Variants in POLR3B observed in about 807,000 individuals in gnomAD.
POLR3B encodes RNA polymerase III subunit B, also known as DNA-directed RNA polymerase III subunit RPC2.
Under a neutral mutation model 147.4 loss-of-function variants are expected in POLR3B, and 96 were observed. That is an observed-to-expected ratio of 0.65 (90% confidence interval 0.55 to 0.77). POLR3B has a LOEUF of 0.77. POLR3B is among the 30% of genes least tolerant of loss of function. POLR3B has a pLI of 0.00. For synonymous variants in POLR3B, 461 were observed against 485.9 expected (o/e 0.95, Z 0.67); for missense variants, 1,036 against 1,413.5 (o/e 0.73, Z 4.28).
At chr12:106,503,444 T>C (rs1383860312) in intron 26 of POLR3B, among the ~76,000 whole-genome samples, 2 of 152,090 alleles carry the variant, frequency 1.3e-5, no homozygotes, top group African/African-American at 2.4e-5. Flanking sequence ...TGCTTTTTTT[T>C]CCCCCCAAAT....
intron 9 of POLR3B, among the ~76,000 whole-genome samples, chr12:106,385,786 A>C (rs1273620087): frequency 2.6e-5 from 4 of 152,258 alleles, no homozygotes; most frequent in Non-Finnish European, 5.9e-5. Flanking sequence ...ACTTTTAGGA[A>C]ATTTTAAACT....
At chr12:106,471,300 C>T (rs953485765) in intron 23 of POLR3B, among the ~76,000 whole-genome samples, 7 of 152,144 alleles carry the variant, frequency 4.6e-5, no homozygotes, top group East Asian at 3.9e-4. Context: ...CCTGCTCTGC[C>T]GGTTGTGAAG....
chr12:106,438,463 A>T (rs892515223), intron 18 of POLR3B, among the ~76,000 whole-genome samples: 1 of 150,906 alleles, frequency 6.6e-6, no homozygotes, highest in African/African-American at 2.4e-5. Context: ...ATATAGATAG[A>T]TAACCATATA....
chr12:106,358,237 G>C (rs2036417311), intron 1 of POLR3B: 1 of 1,379,572 alleles, frequency 7.2e-7, no homozygotes, highest in South Asian at 1.5e-5. Context: ...GCGTGGGGAG[G>C]ACTGACCCTC....
At chr12:106,401,699 C>G (rs1307606144) in intron 10 of POLR3B, among the ~76,000 whole-genome samples, 1 of 152,146 alleles carries the variant, frequency 6.6e-6, no homozygotes. Context: ...TAAACAGAAC[C>G]AACGACAAAA....
In POLR3B at chr12:106,463,625, A is replaced by G. The variant is rs748553108; in HGVS notation, c.2713+5A>G. The G allele has an allele frequency of 4.3e-6, 7 of 1,610,310 alleles. No homozygotes were observed. Among genetic ancestry groups the G allele is most frequent in the Middle Eastern group, 1.7e-4 (1 of 6,060 alleles). On this transcript the variant is annotated splice_donor_5th_base_variant and intron_variant, in intron 23 of 27. Transcript: ENST00000228347. ...GCAGTCGTCATGGGCAAAAAGGTAA[A>G]CTGTATCATTTCTCAACTTGATTAT...
intron 23 of POLR3B, among the ~76,000 whole-genome samples, chr12:106,467,446 G>C (rs561660941): frequency 6.6e-6 from 1 of 151,824 alleles, no homozygotes; most frequent in East Asian, 1.9e-4. Context: ...TACTTTATTG[G>C]GTTCTCTTGC....
At position 106,411,418 on chromosome 12, in the gene POLR3B, G is replaced by A. The variant is rs139442718; in HGVS notation, c.1101+458G>A. 5.9e-5 allele frequency among the ~76,000 whole-genome samples: 9 copies of A among 152,318 alleles called. No individual in the cohort carries two copies. In the South Asian group the frequency reaches 1.9e-3, roughly 32 times the overall value. ...CTCCCAAAGTGCTGGGATTACAGGC[G>A]TGAGCCACCATGCCCAGCCTAATTC... is the stretch of plus-strand genomic sequence containing the variant. On this transcript the variant is annotated intron_variant, in intron 12 of 27. Coordinates refer to ENST00000228347, the MANE Select transcript of POLR3B (RefSeq NM_018082.6).
intron 23 of POLR3B, among the ~76,000 whole-genome samples, chr12:106,473,864 C>G (rs975081479): frequency 3.3e-5 from 5 of 150,724 alleles, no homozygotes; most frequent in African/African-American, 4.9e-5. Flanking sequence ...ATTTCCTTCT[C>G]CTGCGTGATT....
intron 23 of POLR3B, among the ~76,000 whole-genome samples, chr12:106,464,162 G>C (rs537951791): frequency 6.6e-6 from 1 of 152,234 alleles, no homozygotes; most frequent in Non-Finnish European, 1.5e-5. Context: ...TGCTTTGTGT[G>C]TGTCTTACAT....
intron 10 of POLR3B, among the ~76,000 whole-genome samples, chr12:106,394,367 T>A (rs962225485): frequency 6.6e-6 from 1 of 152,228 alleles, no homozygotes; most frequent in Non-Finnish European, 1.5e-5. Flanking sequence ...TAGGCATGAA[T>A]CTTTGTTGTA....
chr12:106,504,258 A>G lies in POLR3B; in HGVS notation c.3272+4A>G. 1 of 1,610,934 alleles carries G rather than the reference A, an allele frequency of 6.2e-7. No homozygotes were observed. The highest frequency in any genetic ancestry group is 8.5e-7 in the Non-Finnish European group (1 of 1,177,078). Reference sequence around the variant, plus strand: ...GACTTCTGGGGTATTCTGGCTGGTAAGTGGATACCATATGTCTCCCATACC... The same window carrying G: ...GACTTCTGGGGTATTCTGGCTGGTAGGTGGATACCATATGTCTCCCATACC... On this transcript the variant is annotated splice_donor_region_variant and intron_variant, in intron 27 of 27. Coordinates refer to ENST00000228347, the MANE Select transcript of POLR3B (RefSeq NM_018082.6). This position sits in a 1 kb window ranked among gnomAD's most constrained non-coding sequence, Gnocchi z 4.6.
At chr12:106,439,992 G>C (rs146791272) in intron 18 of POLR3B, among the ~76,000 whole-genome samples, 2 of 152,240 alleles carry the variant, frequency 1.3e-5, no homozygotes, top group African/African-American at 4.8e-5. Flanking sequence ...ACAGTTTGAG[G>C]CTGCAGTGAG....
chr12:106,368,015 A>G (rs574993304), intron 4 of POLR3B, among the ~76,000 whole-genome samples: 39 of 152,162 alleles, frequency 2.6e-4, no homozygotes, highest in Non-Finnish European at 2.9e-4. Context: ...ATTTATATCA[A>G]TTTGGACTCA....
At chr12:106,496,463 T>G in intron 24 of POLR3B, 1 of 597,162 alleles carries the variant, frequency 1.7e-6, no homozygotes, top group East Asian at 2.8e-5. Context: ...TCAGTGATTA[T>G]TTTTAGTGAT....
intron 12 of POLR3B, among the ~76,000 whole-genome samples, chr12:106,426,966 A>G (rs1186249258): frequency 6.6e-6 from 1 of 151,258 alleles, no homozygotes; most frequent in Non-Finnish European, 1.5e-5. Flanking sequence ...ATGTCTTTGA[A>G]TGCAGTGAGT....
chr12:106,390,270 C>CG (rs1419023388), intron 9 of POLR3B, among the ~76,000 whole-genome samples: 4 of 93,508 alleles, frequency 4.3e-5, no homozygotes, highest in African/African-American at 1.9e-4. Flanking sequence ...CTCTCTCCCC[C>CG]CCCAGTTTTT....
intron 4 of POLR3B, among the ~76,000 whole-genome samples, chr12:106,367,690 A>G (rs1269804293): frequency 6.6e-6 from 1 of 152,172 alleles, no homozygotes; most frequent in African/African-American, 2.4e-5. Flanking sequence ...ATGCCAATAT[A>G]TTTTATTACT....
chr12:106,423,066 T>G (rs1350968229), intron 12 of POLR3B, among the ~76,000 whole-genome samples: 1 of 152,144 alleles, frequency 6.6e-6, no homozygotes, highest in East Asian at 1.9e-4. Flanking sequence ...GGTAGACATT[T>G]TAAATAAAAA....
Sources: allele counts gnomAD v4.1 joint callset (sites outside exome capture counted in the v4.1 genomes callset), GRCh38; gene constraint gnomAD v4.1.1; non-coding constraint Gnocchi (gnomAD v3.1); transcripts MANE v1.5; gene names NCBI Gene and HGNC (gene_info 2026-07-23, HGNC 2026-07-21).